Variants in EEF1AKMT1 observed in about 807,000 individuals in gnomAD.
The protein encoded by EEF1AKMT1 is N-6 adenine-specific DNA methyltransferase 2 (putative).
A neutral mutation model predicts 21.0 loss-of-function variants in EEF1AKMT1; 18 were observed. The ratio of observed to expected loss-of-function variants is 0.86; its 90% CI spans 0.59 to 1.27. The LOEUF (loss-of-function observed/expected upper bound fraction) is 1.27. EEF1AKMT1 is among the 50% of genes most tolerant of loss of function. EEF1AKMT1 has a pLI of 0.00. For missense variants in EEF1AKMT1, 246 were observed against 258.6 expected, an observed-to-expected ratio of 0.95 and a Z score of 0.33; for synonymous variants, 109 against 94.8, an observed-to-expected ratio of 1.15 and a Z score of -0.87.
chr13:20,737,406 TAAC>T (rs1471833712), intron 3 of EEF1AKMT1, among the ~76,000 whole-genome samples: 3 of 152,018 alleles, frequency 2.0e-5, no homozygotes, highest in Non-Finnish European at 4.4e-5. Flanking sequence ...CATATCAAAT[TAAC>T]AAAAAAGAAA....
chr13:20,748,715 GT>G (rs796299437), intron 2 of EEF1AKMT1, among the ~76,000 whole-genome samples: 2 of 105,848 alleles, frequency 1.9e-5, no homozygotes, highest in African/African-American at 3.7e-5. Flanking sequence ...ATGTATAGTT[GT>G]TTTTTTTTGG....
chr13:20,760,507 G>T (rs2058995891), intron 1 of EEF1AKMT1, among the ~76,000 whole-genome samples: 2 of 152,022 alleles, frequency 1.3e-5, no homozygotes, highest in South Asian at 4.1e-4. Flanking sequence ...TGGACATAAA[G>T]ACAGAAATAA....
At chr13:20,762,646 T>C (rs1308756859) in intron 1 of EEF1AKMT1, among the ~76,000 whole-genome samples, 2 of 152,120 alleles carry the variant, frequency 1.3e-5, no homozygotes, top group African/African-American at 4.8e-5. Context: ...CCCAAGCAGC[T>C]GGGACTACAG....
chr13:20,730,883 T>C (rs2265211), intron 4 of EEF1AKMT1, among the ~76,000 whole-genome samples: 61,185 of 151,986 alleles, frequency 0.4, 13,578 homozygotes, highest in East Asian at 0.76. Flanking sequence ...GTTTGTTTTT[T>C]GCTCTTCATA....
intron 2 of EEF1AKMT1, among the ~76,000 whole-genome samples, chr13:20,740,167 C>T (rs992002530): frequency 6.6e-6 from 1 of 152,264 alleles, no homozygotes; most frequent in Non-Finnish European, 1.5e-5. Context: ...AGTTGCTGGC[C>T]TAGGTGCTAA....
At chr13:20,773,064 T>G (rs1420589181) in intron 1 of EEF1AKMT1, among the ~76,000 whole-genome samples, 1 of 152,180 alleles carries the variant, frequency 6.6e-6, no homozygotes, top group Non-Finnish European at 1.5e-5. Flanking sequence ...CCAATTTACG[T>G]CCAGAAAAGG....
intron 1 of EEF1AKMT1, among the ~76,000 whole-genome samples, chr13:20,773,668 C>A (rs995326935): frequency 1.3e-5 from 2 of 152,244 alleles, no homozygotes; most frequent in African/African-American, 4.8e-5. Flanking sequence ...ACGTGCGCGG[C>A]ACAGGACGCG....
intron 3 of EEF1AKMT1, among the ~76,000 whole-genome samples, chr13:20,734,663 GGCTCACTACAA>G (rs958950092): frequency 6.6e-6 from 1 of 151,822 alleles, no homozygotes; most frequent in Non-Finnish European, 1.5e-5. Flanking sequence ...GCGGGATCTT[GGCTCACTACAA>G]GCTCCGCCTC....
At chr13:20,748,405 A>C (rs1428036780) in intron 2 of EEF1AKMT1, among the ~76,000 whole-genome samples, 1 of 151,796 alleles carries the variant, frequency 6.6e-6, no homozygotes, top group Non-Finnish European at 1.5e-5. Flanking sequence ...ACTGCACTCC[A>C]ACCTGGGCGA....
intron 2 of EEF1AKMT1, among the ~76,000 whole-genome samples, chr13:20,744,453 A>G (rs2141421591): frequency 6.6e-6 from 1 of 152,306 alleles, no homozygotes; most frequent in South Asian, 2.1e-4. Flanking sequence ...GCTTTTGTTC[A>G]TATGTTTATC....
chr13:20,731,734 G>T (rs958490624), intron 4 of EEF1AKMT1, 107 bp downstream of exon 4: 5 of 1,149,146 alleles, frequency 4.4e-6, no homozygotes, highest in African/African-American at 1.6e-5. Context: ...TAAATAACTT[G>T]TTCACAAGTC....
intron 1 of EEF1AKMT1, among the ~76,000 whole-genome samples, chr13:20,758,162 C>T (rs541356749): frequency 2.6e-5 from 4 of 152,236 alleles, no homozygotes; most frequent in South Asian, 4.1e-4. Context: ...GCACCTTTTT[C>T]GGTCTGATAG....
intron 3 of EEF1AKMT1, among the ~76,000 whole-genome samples, chr13:20,736,809 C>T (rs2058828874): frequency 7.8e-6 from 1 of 128,936 alleles, no homozygotes; most frequent in Non-Finnish European, 1.5e-5. Context: ...GTGATCTTGG[C>T]ACACTGCAAC....
At chr13:20,734,071 A>G (rs937071071) in intron 3 of EEF1AKMT1, among the ~76,000 whole-genome samples, 1 of 152,218 alleles carries the variant, frequency 6.6e-6, no homozygotes, top group African/African-American at 2.4e-5. Flanking sequence ...AGGAGGGGGA[A>G]AAGAAGCTGG....
rs767162001 is a variant in EEF1AKMT1, at chr13:20,731,908, C to T, written c.441G>A (p.Glu147=). The change falls in exon 4 of 5, where the codon GAG becomes GAA. Residue 147 remains glutamate (E), a synonymous_variant. Transcript: ENST00000382758. The part of the protein sequence containing the change: ...IVIADPPYLS[E]ECLRKTSETV... ...TTTCCGATGTTTTTCTGAGACATTC[C>T]TCCGAAAGATAGGGAGGATCTGCTA... The T allele has an allele frequency of 1.2e-6, 2 of 1,614,190 alleles. No homozygotes were observed. Among genetic ancestry groups the T allele is most frequent in the South Asian group, 2.2e-5 (2 of 91,080 alleles).
intron 3 of EEF1AKMT1, among the ~76,000 whole-genome samples, chr13:20,737,025 C>G (rs755191480): frequency 6.6e-6 from 1 of 151,892 alleles, no homozygotes; most frequent in Non-Finnish European, 1.5e-5. Flanking sequence ...TGAGCCACCA[C>G]GCCCAGTCAC....
chr13:20,738,727 A>C (rs1283799792), intron 2 of EEF1AKMT1, among the ~76,000 whole-genome samples: 1 of 152,258 alleles, frequency 6.6e-6, no homozygotes, highest in African/African-American at 2.4e-5. Flanking sequence ...GAAATCAGAC[A>C]CCAAAGGCCA....
At chr13:20,739,298 T>C (rs947494228) in intron 2 of EEF1AKMT1, among the ~76,000 whole-genome samples, 3 of 152,116 alleles carry the variant, frequency 2.0e-5, no homozygotes, top group Admixed American at 6.5e-5. Context: ...ACATTTATTG[T>C]GAGGAGCAAA....
At chr13:20,737,500 T>G (rs968702233) in intron 3 of EEF1AKMT1, among the ~76,000 whole-genome samples, 5 of 152,212 alleles carry the variant, frequency 3.3e-5, no homozygotes, top group African/African-American at 1.2e-4. Context: ...AGAAACAGGT[T>G]AGAAAATGTT....
Sources: allele counts gnomAD v4.1 joint callset (sites outside exome capture counted in the v4.1 genomes callset), GRCh38; gene constraint gnomAD v4.1.1; transcripts MANE v1.5; gene names NCBI Gene and HGNC (gene_info 2026-07-23, HGNC 2026-07-21).